KIF26B: variants seen among roughly 807,000 people sequenced by gnomAD.
KIF26B encodes the protein kinesin-like protein KIF26B.
In KIF26B, 63 loss-of-function variants were observed where a neutral mutation model predicts 151.2. The observed-to-expected ratio is 0.42, with a 90% CI of 0.34 to 0.51. The LOEUF is 0.51. KIF26B is among the 20% of genes least tolerant of loss of function. KIF26B has a pLI of 0.07. For missense variants in KIF26B, 2,813 were observed against 2,913.6 expected, an observed-to-expected ratio of 0.97 and a Z score of 0.79; for synonymous variants, 1,357 against 1,262.1, an observed-to-expected ratio of 1.08 and a Z score of -1.59.
At chr1:245,673,583 A>C (rs991062073) in intron 10 of KIF26B, 2 of 152,300 alleles carry the variant, frequency 1.3e-5, no homozygotes, top group African/African-American at 4.8e-5. Flanking sequence ...CAAAGCCCAG[A>C]TTCTACACAC....
intron 2 of KIF26B, among the ~76,000 whole-genome samples, chr1:245,303,230 G>A (rs1366016610): frequency 1.8e-4 from 22 of 123,736 alleles, no homozygotes; most frequent in Non-Finnish European, 2.9e-4. Context: ...ACGGAGTCTC[G>A]CTTTGTCGCC....
Position 245,367,189 on chromosome 1 carries a change from G to C in KIF26B, c.821G>C (p.Ser274Thr). ...HGSKPSSLGV[S>T]NGAEKKSGSP... ...AGCAAACCCAGCAGCCTTGGGGTCA[G>C]CAATGGGGCGGAAAAGAAGAGCGGG... The change falls in exon 3 of 15, where the codon AGC becomes ACC. Residue 274 changes from serine to threonine, a missense_variant. Transcript: ENST00000407071. The surrounding 1 kb of genome is among the most constrained non-coding windows in gnomAD (Gnocchi z 4.2). The C allele has an allele frequency of 6.2e-7, 1 of 1,608,464 alleles. No individual in the cohort carries two copies. The highest frequency in any genetic ancestry group is 8.5e-7 in the Non-Finnish European group (1 of 1,177,548).
intron 2 of KIF26B, among the ~76,000 whole-genome samples, chr1:245,254,297 G>A (rs1422825188): frequency 1.3e-5 from 2 of 152,112 alleles, no homozygotes; most frequent in African/African-American, 4.8e-5. Flanking sequence ...CTGGGCACAT[G>A]GTAGACATAT....
chr1:245,435,120 T>TCTCC, intron 4 of KIF26B, among the ~76,000 whole-genome samples: 1 of 124,788 alleles, frequency 8.0e-6, no homozygotes, highest in African/African-American at 3.1e-5. Context: ...TCCATCCATC[T>TCTCC]CTCCATCTAC....
chr1:245,384,268 T>C (rs1020100569), intron 3 of KIF26B, among the ~76,000 whole-genome samples: 1 of 152,204 alleles, frequency 6.6e-6, no homozygotes, highest in Non-Finnish European at 1.5e-5. Context: ...CATCTGTGAA[T>C]ATCACTAACT....
At chr1:245,231,376 C>T (rs191600213) in intron 2 of KIF26B, among the ~76,000 whole-genome samples, 45 of 152,096 alleles carry the variant, frequency 3.0e-4, no homozygotes, top group Admixed American at 5.9e-4. Context: ...ATTAGCCGGG[C>T]GTGGTGGCAG....
intron 4 of KIF26B, among the ~76,000 whole-genome samples, chr1:245,462,039 A>G (rs1332731424): frequency 3.3e-5 from 5 of 152,176 alleles, no homozygotes; most frequent in African/African-American, 1.2e-4. Flanking sequence ...AGGCTGAGGC[A>G]GGAGGCCAGG....
At chr1:245,422,881 T>A (rs1017590552) in intron 4 of KIF26B, among the ~76,000 whole-genome samples, 3 of 152,014 alleles carry the variant, frequency 2.0e-5, no homozygotes, top group South Asian at 2.1e-4. Flanking sequence ...GGTGGATCAC[T>A]AGAGACCAGG....
chr1:245,374,377 G>A (rs1673222875), intron 3 of KIF26B, among the ~76,000 whole-genome samples: 1 of 151,748 alleles, frequency 6.6e-6, no homozygotes, highest in South Asian at 2.1e-4. Context: ...AGAAGCGTGT[G>A]TTCTAGTATG....
chr1:245,682,063 G>T (rs1438435617), intron 10 of KIF26B, among the ~76,000 whole-genome samples: 1 of 152,164 alleles, frequency 6.6e-6, no homozygotes, highest in Non-Finnish European at 1.5e-5. Flanking sequence ...GCCAACATGG[G>T]TGAAACCCCG....
In KIF26B at chr1:245,688,408, T is replaced by C; in HGVS notation, c.5425T>C (p.Ser1809Pro). The C allele has an allele frequency of 6.7e-7, 1 of 1,503,204 alleles. No individual in the cohort carries two copies. The highest frequency in any genetic ancestry group is 8.8e-7 in the Non-Finnish European group (1 of 1,132,910). 93.1% of individuals were successfully genotyped at this position (1,503,204 alleles called of 1,614,324 possible). A position where few individuals can be genotyped will look rare whatever the true frequency, so the allele number is the denominator to read the frequency against. ...CCTGCGGGCCGTCAGCGGGCGCATC[T>C]CGGAGCTGCTGCAGGGTGGCGCGGG... ...LPLRAVSGRI[S>P]ELLQGGAGAR... The change falls in exon 12 of 15, where the codon TCG becomes CCG. Residue 1809 changes from serine (S) to proline (P), a missense_variant. Ser to Pro is a moderately conservative substitution (Grantham distance 74). Around this residue, in one of 3 missense-constraint regions of KIF26B, gnomAD observed 2,060 missense variants for 2,088.6 expected, o/e 0.99. Coordinates refer to ENST00000407071, the MANE Select transcript of KIF26B (RefSeq NM_018012.4).
At chr1:245,296,272 G>A (rs1243520467) in intron 2 of KIF26B, among the ~76,000 whole-genome samples, 1 of 151,828 alleles carries the variant, frequency 6.6e-6, no homozygotes, top group Non-Finnish European at 1.5e-5. Context: ...TTAGGAGCAA[G>A]TGACTAATAT....
chr1:245,284,968 G>A (rs545208524), intron 2 of KIF26B, among the ~76,000 whole-genome samples: 26 of 152,372 alleles, frequency 1.7e-4, no homozygotes, highest in African/African-American at 6.3e-4. Context: ...GAACCTGGGA[G>A]GTGGAGGTTG....
intron 5 of KIF26B, among the ~76,000 whole-genome samples, chr1:245,591,284 C>T (rs1290909817): frequency 2.0e-5 from 3 of 152,118 alleles, no homozygotes; most frequent in African/African-American, 7.2e-5. Context: ...ATCTGTCTGC[C>T]TTCAGAGTTC....
At chr1:245,337,762 C>T (rs1402487291) in intron 2 of KIF26B, among the ~76,000 whole-genome samples, 1 of 152,096 alleles carries the variant, frequency 6.6e-6, no homozygotes. Flanking sequence ...ATCGAGCAAC[C>T]ATAAGTATTT....
intron 10 of KIF26B, among the ~76,000 whole-genome samples, chr1:245,657,298 A>T (rs1187857091): frequency 1.3e-5 from 2 of 152,168 alleles, no homozygotes; most frequent in Non-Finnish European, 2.9e-5. Flanking sequence ...TGTTTCTCCC[A>T]CGAGACCTTG....
At chr1:245,233,741 A>G (rs1670046295) in intron 2 of KIF26B, among the ~76,000 whole-genome samples, 1 of 152,234 alleles carries the variant, frequency 6.6e-6, no homozygotes. Flanking sequence ...ACATGGGAAC[A>G]CTATTAGTAC....
At chr1:245,217,812 G>A (rs555791398) in intron 2 of KIF26B, among the ~76,000 whole-genome samples, 1 of 152,210 alleles carries the variant, frequency 6.6e-6, no homozygotes, top group East Asian at 1.9e-4. Context: ...CCAAAGTTCA[G>A]AGCACAGGTC....
At chr1:245,479,246 CAG>C (rs376746181) in intron 4 of KIF26B, among the ~76,000 whole-genome samples, 6 of 151,862 alleles carry the variant, frequency 4.0e-5, no homozygotes, top group African/African-American at 1.4e-4. Flanking sequence ...TAAATGTTGA[CAG>C]AGAGTAATAA....
Sources: gnomAD v4.1 joint callset for allele counts (sites outside exome capture counted in the v4.1 genomes callset) on GRCh38, gnomAD v4.1.1 for gene constraint, gnomAD v4.1.1 regional missense constraint, Gnocchi (gnomAD v3.1) non-coding constraint, MANE v1.5 for transcripts, NCBI Gene and HGNC (gene_info 2026-07-23, HGNC 2026-07-21) for gene names.